Variants in MACROD2 observed in about 807,000 individuals in gnomAD.
MACROD2 encodes ADP-ribose glycohydrolase MACROD2.
In MACROD2, 36 loss-of-function variants were observed where a neutral mutation model predicts 70.4. The ratio of observed to expected loss-of-function variants is 0.51; its 90% confidence interval spans 0.39 to 0.68. MACROD2 has a LOEUF of 0.68. MACROD2 is among the 30% of genes least tolerant of loss of function. The pLI, the probability that MACROD2 is intolerant of heterozygous loss-of-function variation, is 0.00. For missense variants in MACROD2, 496 were observed against 538.4 expected, an observed-to-expected ratio of 0.92 and a Z score of 0.78; for synonymous variants, 172 against 178.8, an observed-to-expected ratio of 0.96 and a Z score of 0.30.
At chr20:14,698,590 G>A (rs930108989) in intron 5 of MACROD2, among the ~76,000 whole-genome samples, 16 of 151,132 alleles carry the variant, frequency 1.1e-4, no homozygotes, top group African/African-American at 3.9e-4. Context: ...GTTATTTAAT[G>A]TCTTTATTTT....
At chr20:14,287,257 A>G (rs1465537849) in intron 3 of MACROD2, among the ~76,000 whole-genome samples, 1 of 152,190 alleles carries the variant, frequency 6.6e-6, no homozygotes, top group African/African-American at 2.4e-5. Flanking sequence ...TAGATTTTAA[A>G]GTTGGTTGCC....
chr20:14,606,022 C>T (rs1196635953), intron 4 of MACROD2, among the ~76,000 whole-genome samples: 1 of 152,086 alleles, frequency 6.6e-6, no homozygotes, highest in Non-Finnish European at 1.5e-5. Context: ...TATAAATCCC[C>T]TTTCAGCTCA....
chr20:15,896,280 G>C (rs1249070172), intron 10 of MACROD2, among the ~76,000 whole-genome samples: 1 of 151,980 alleles, frequency 6.6e-6, no homozygotes, highest in Non-Finnish European at 1.5e-5. Flanking sequence ...AGGGTTCCCT[G>C]GCCCACTTCC....
At chr20:15,467,749 A>C (rs944193860) in intron 7 of MACROD2, among the ~76,000 whole-genome samples, 9 of 152,142 alleles carry the variant, frequency 5.9e-5, no homozygotes, top group African/African-American at 2.2e-4. Flanking sequence ...GAAAAGTAGA[A>C]CTTTGTTTAT....
At chr20:15,198,610 A>G (rs2076627587) in intron 5 of MACROD2, among the ~76,000 whole-genome samples, 1 of 152,164 alleles carries the variant, frequency 6.6e-6, no homozygotes, top group Admixed American at 6.5e-5. Flanking sequence ...ACTTTCTCAT[A>G]ATTATTATTT....
At chr20:14,384,008 T>A (rs1173031815) in intron 3 of MACROD2, among the ~76,000 whole-genome samples, 1 of 152,174 alleles carries the variant, frequency 6.6e-6, no homozygotes, top group Non-Finnish European at 1.5e-5. Context: ...ATATTAACCA[T>A]TCATTTCTTA....
chr20:15,064,136 T>G (rs760329607), intron 5 of MACROD2, among the ~76,000 whole-genome samples: 4 of 152,064 alleles, frequency 2.6e-5, no homozygotes, highest in Non-Finnish European at 5.9e-5. Flanking sequence ...GGTGGGTGTA[T>G]ACATCAAAGC....
intron 8 of MACROD2, among the ~76,000 whole-genome samples, chr20:15,587,594 T>C (rs1186397788): frequency 1.3e-5 from 2 of 152,220 alleles, no homozygotes; most frequent in Non-Finnish European, 2.9e-5. Context: ...ACTTCCTAGA[T>C]GCAATGGACG....
chr20:15,181,282 A>C (rs1029336499), intron 5 of MACROD2, among the ~76,000 whole-genome samples: 4 of 152,238 alleles, frequency 2.6e-5, no homozygotes, highest in Non-Finnish European at 5.9e-5. Context: ...GGGCCTTGCC[A>C]TTTAAACCTG....
chr20:14,770,770 A>G (rs1351159784), intron 5 of MACROD2, among the ~76,000 whole-genome samples: 7 of 152,128 alleles, frequency 4.6e-5, no homozygotes, highest in Non-Finnish European at 1.0e-4. Flanking sequence ...TGGATGAAGA[A>G]CCTGAAGCCC....
intron 3 of MACROD2, among the ~76,000 whole-genome samples, chr20:14,489,848 T>C (rs1006312731): frequency 6.8e-6 from 1 of 146,738 alleles, no homozygotes; most frequent in African/African-American, 2.6e-5. Flanking sequence ...AAAAAAAATA[T>C]TTGAAATACT....
intron 5 of MACROD2, among the ~76,000 whole-genome samples, chr20:15,210,984 C>A (rs1389765299): frequency 6.6e-6 from 1 of 152,152 alleles, no homozygotes; most frequent in Non-Finnish European, 1.5e-5. Flanking sequence ...TTCAAACGTA[C>A]AATTCAGTGG....
At chr20:14,925,239 T>C (rs538739467) in intron 5 of MACROD2, among the ~76,000 whole-genome samples, 38 of 152,284 alleles carry the variant, frequency 2.5e-4, no homozygotes, top group African/African-American at 8.2e-4. Flanking sequence ...AAATGCTTTC[T>C]TTATACTTTT....
chr20:15,463,893 C>T (rs1010408408), intron 7 of MACROD2, among the ~76,000 whole-genome samples: 1 of 152,206 alleles, frequency 6.6e-6, no homozygotes, highest in Non-Finnish European at 1.5e-5. Context: ...CTTGATCCTA[C>T]AGCTTGAGGA....
In MACROD2 at chr20:14,902,056, A is replaced by G. The variant is rs1471368929; in HGVS notation, c.418+217097A>G. Among the ~76,000 whole-genome samples, 5 of 152,336 alleles carry G rather than the reference A, an allele frequency of 3.3e-5. No individual in the cohort carries two copies. The South Asian group carries it at 6.2e-4, about 19-fold the overall frequency. On this transcript the variant is annotated intron_variant, in intron 5 of 17. Coordinates refer to ENST00000684519, the MANE Select transcript of MACROD2 (RefSeq NM_001351661.2). ...AAAGATGATTTTAAAGCCAACTGCA[A>G]TAAATGGAATAACTAACATTTACAT...
At chr20:14,457,611 C>T (rs73901256) in intron 3 of MACROD2, among the ~76,000 whole-genome samples, 3,075 of 152,160 alleles carry the variant, frequency 0.02, 121 homozygotes, top group African/African-American at 0.07. Context: ...TTTATTATTT[C>T]ATTCATTCCC....
At chr20:14,995,829 T>G (rs1568917744) in intron 5 of MACROD2, among the ~76,000 whole-genome samples, 1 of 152,130 alleles carries the variant, frequency 6.6e-6, no homozygotes, top group East Asian at 1.9e-4. Flanking sequence ...AAAGATGTAC[T>G]CAGAGGGAAA....
intron 3 of MACROD2, among the ~76,000 whole-genome samples, chr20:14,206,661 T>C (rs1254987793): frequency 6.6e-6 from 1 of 151,852 alleles, no homozygotes; most frequent in African/African-American, 2.4e-5. Context: ...TGAGGCTTTT[T>C]TTTTTTTTTA....
chr20:15,746,114 A>G (rs1001792303), intron 8 of MACROD2, among the ~76,000 whole-genome samples: 1 of 152,110 alleles, frequency 6.6e-6, no homozygotes, highest in Non-Finnish European at 1.5e-5. Context: ...AAATTTGATG[A>G]GAATTTTATA....
Sources: gnomAD v4.1 joint callset for allele counts (sites outside exome capture counted in the v4.1 genomes callset) on GRCh38, gnomAD v4.1.1 for gene constraint, MANE v1.5 for transcripts, NCBI Gene and HGNC (gene_info 2026-07-23, HGNC 2026-07-21) for gene names.